TXNDC16: variants seen among roughly 807,000 people sequenced by gnomAD.
TXNDC16 encodes the protein thioredoxin domain-containing protein 16.
In TXNDC16, 74 loss-of-function variants were observed where a neutral mutation model predicts 85.6. The observed-to-expected ratio is 0.86, with a 90% CI of 0.72 to 1.05. The LOEUF (loss-of-function observed/expected upper bound fraction) is 1.05, where lower values mean the gene tolerates loss of function less well. TXNDC16 is among the 50% of genes least tolerant of loss of function. The pLI is 0.00. For synonymous variants in TXNDC16, 335 were observed against 326.5 expected, an observed-to-expected ratio of 1.03 and a Z score of -0.28; for missense variants, 959 against 947.0, an observed-to-expected ratio of 1.01 and a Z score of -0.17.
At chr14:52,537,714 G>T in intron 4 of TXNDC16, 42 bp from the exon 5 acceptor site, 1 of 1,186,982 alleles carries the variant, frequency 8.4e-7, no homozygotes, top group Non-Finnish European at 1.2e-6. Context: ...TATATCAAAA[G>T]GTCAAGTTTC....
chr14:52,480,973 A>G lies in TXNDC16; in HGVS notation c.1312+1257T>C, dbSNP rs1052018713. 7.1e-4 allele frequency among the ~76,000 whole-genome samples: 74 copies of G among 104,008 alleles called. 1 individual carries two copies. Among genetic ancestry groups the G allele is most frequent in the Admixed American group, 6.9e-3 (68 of 9,820 alleles). 68.2% of individuals were successfully genotyped at this position (104,008 alleles called of 152,430 possible). On this transcript the variant is annotated intron_variant, in intron 14 of 20. Transcript: ENST00000281741. Reference sequence around the variant, plus strand: ...TGTGTGTGTGTGTGTATATATATATATGTATATATATATATATATATATAT... The same window carrying G: ...TGTGTGTGTGTGTGTATATATATATGTGTATATATATATATATATATATAT...
chr14:52,505,201 C>A (rs2036765730), intron 9 of TXNDC16, among the ~76,000 whole-genome samples: 1 of 152,178 alleles, frequency 6.6e-6, no homozygotes, highest in Non-Finnish European at 1.5e-5. Flanking sequence ...GAATTGAATT[C>A]ACTTCTGCAC....
In TXNDC16 at chr14:52,490,430, A is replaced by C. The variant is rs777260467; in HGVS notation, c.945T>G (p.Ile315Met). The change falls in exon 11 of 21, where the codon ATT becomes ATG. Residue 315 changes from isoleucine (I) to methionine (M), a missense_variant. By Grantham distance (10) the Ile-to-Met change is conservative. Transcript: ENST00000281741. ...TGAAGACCACATTAGCATCTTGAGG[A>C]ATGTTCACTTCCAAAGAGTCCCTTT... The part of the protein sequence containing the change: ...LLLRDSLEVN[I>M]PQDANVVFKR... 6.2e-7 allele frequency: 1 copy of C among 1,602,338 alleles called. No homozygotes were observed. The highest frequency in any genetic ancestry group is 8.5e-7 in the Non-Finnish European group (1 of 1,175,924).
At chr14:52,447,233 GC>G in intron 18 of TXNDC16, among the ~76,000 whole-genome samples, 1 of 152,142 alleles carries the variant, frequency 6.6e-6, no homozygotes, top group East Asian at 1.9e-4. Context: ...TGATGGAAGA[GC>G]CCTTGGGCCT....
intron 6 of TXNDC16, among the ~76,000 whole-genome samples, chr14:52,528,885 T>A (rs957596651): frequency 6.8e-6 from 1 of 147,474 alleles, no homozygotes; most frequent in Non-Finnish European, 1.5e-5. Flanking sequence ...ATATATATTA[T>A]CTATAATACC....
chr14:52,482,339 C>A, intron 13 of TXNDC16, 50 bp from the exon 14 acceptor site: 2 of 1,441,052 alleles, frequency 1.4e-6, no homozygotes, highest in Admixed American at 1.8e-5. Context: ...ATCTACAAAG[C>A]ATCCACACTG....
At chr14:52,540,960 G>A (rs1228289099) in intron 4 of TXNDC16, among the ~76,000 whole-genome samples, 1 of 152,104 alleles carries the variant, frequency 6.6e-6, no homozygotes, top group African/African-American at 2.4e-5. Flanking sequence ...TTCAGGCCGG[G>A]TGCAGTGGCT....
At chr14:52,492,804 C>A (rs1832390402) in intron 9 of TXNDC16, among the ~76,000 whole-genome samples, 1 of 152,194 alleles carries the variant, frequency 6.6e-6, no homozygotes, top group African/African-American at 2.4e-5. Flanking sequence ...ACCATTCCCC[C>A]TTCCCAACCC....
At chr14:52,451,274 A>C (rs946832911) in intron 18 of TXNDC16, among the ~76,000 whole-genome samples, 1 of 151,970 alleles carries the variant, frequency 6.6e-6, no homozygotes, top group African/African-American at 2.4e-5. Flanking sequence ...AAAAAAAAAA[A>C]AAACATGAAT....
chr14:52,491,128 A>G, intron 9 of TXNDC16, 123 bp from the exon 10 acceptor site: 6 of 1,100,628 alleles, frequency 5.5e-6, no homozygotes, highest in Non-Finnish European at 7.5e-6. Flanking sequence ...TCCAACACTA[A>G]CAGAAACGAT....
intron 14 of TXNDC16, among the ~76,000 whole-genome samples, chr14:52,476,889 T>A (rs1348764788): frequency 6.6e-6 from 1 of 152,032 alleles, no homozygotes; most frequent in African/African-American, 2.4e-5. Flanking sequence ...TACCTAAAGT[T>A]AAGACAAAGG....
chr14:52,502,709 G>GA (rs1401545762), intron 9 of TXNDC16, among the ~76,000 whole-genome samples: 7 of 152,186 alleles, frequency 4.6e-5, no homozygotes, highest in Non-Finnish European at 7.3e-5. Context: ...TCTCACTGGG[G>GA]ATTGTCAAAC....
At chr14:52,447,479 C>T (rs1311341697) in intron 18 of TXNDC16, among the ~76,000 whole-genome samples, 1 of 152,190 alleles carries the variant, frequency 6.6e-6, no homozygotes, top group African/African-American at 2.4e-5. Context: ...ACTGTGCTGG[C>T]TTCATGTCTG....
At chr14:52,461,144 T>C (rs566556649) in intron 16 of TXNDC16, among the ~76,000 whole-genome samples, 2 of 151,712 alleles carry the variant, frequency 1.3e-5, no homozygotes, top group Non-Finnish European at 2.9e-5. Context: ...ACCAAAAATA[T>C]ATCTTGCTTT....
chr14:52,511,782 C>T (rs1347704354), intron 8 of TXNDC16, among the ~76,000 whole-genome samples: 1 of 152,080 alleles, frequency 6.6e-6, no homozygotes, highest in Non-Finnish European at 1.5e-5. Context: ...CTTTGTAACG[C>T]AAATTTTCTA....
intron 6 of TXNDC16, among the ~76,000 whole-genome samples, chr14:52,530,215 A>AATATATAATATTACAT (rs1262541858): frequency 2.4e-4 from 13 of 53,292 alleles, no homozygotes; most frequent in African/African-American, 1.4e-3. Flanking sequence ...TATTATACAG[A>AATATATAATATTACAT]ATAATATATA....
intron 14 of TXNDC16, among the ~76,000 whole-genome samples, chr14:52,480,683 C>T (rs772553699): frequency 8.6e-5 from 13 of 151,632 alleles, no homozygotes; most frequent in Non-Finnish European, 1.3e-4. Context: ...TAGATGTTGG[C>T]GTGGATGTGG....
intron 1 of TXNDC16, among the ~76,000 whole-genome samples, chr14:52,547,183 C>A (rs1594770330): frequency 6.6e-6 from 1 of 152,094 alleles, no homozygotes; most frequent in East Asian, 1.9e-4. Context: ...ACAAAGCAAA[C>A]TGACAAAACT....
At chr14:52,468,097 A>T (rs552024464) in intron 16 of TXNDC16, among the ~76,000 whole-genome samples, 16 of 152,290 alleles carry the variant, frequency 1.1e-4, no homozygotes, top group Middle Eastern at 3.4e-3. Context: ...GCCTGGGAGG[A>T]GGATGAAATG....
Sources: allele counts gnomAD v4.1 joint callset (sites outside exome capture counted in the v4.1 genomes callset), GRCh38; gene constraint gnomAD v4.1.1; transcripts MANE v1.5; gene names NCBI Gene and HGNC (gene_info 2026-07-23, HGNC 2026-07-21).